Variants in ULK4 observed in about 807,000 individuals in gnomAD.
The protein encoded by ULK4 is inactive serine/threonine-protein kinase ULK4.
Under a neutral mutation model 160.6 loss-of-function variants are expected in ULK4, and 133 were observed. That is an observed-to-expected ratio of 0.83 (90% CI 0.72 to 0.96). The LOEUF (loss-of-function observed/expected upper bound fraction) is 0.96, where lower values mean the gene tolerates loss of function less well. Among genes scored for constraint, ULK4 ranks in the 40% least tolerant of loss-of-function variants. The pLI, the probability that ULK4 is intolerant of heterozygous loss-of-function variation, is 0.00. For synonymous variants in ULK4, 534 were observed against 539.8 expected, an observed-to-expected ratio of 0.99 and a Z score of 0.15; for missense variants, 1,580 against 1,499.5, an observed-to-expected ratio of 1.05 and a Z score of -0.89.
At chr3:41,578,098 T>C (rs948808796) in intron 31 of ULK4, among the ~76,000 whole-genome samples, 3 of 152,196 alleles carry the variant, frequency 2.0e-5, no homozygotes, top group Non-Finnish European at 4.4e-5. Context: ...TTGGATCTAA[T>C]AGAATTTTTC....
chr3:41,701,543 C>T (rs1044036418), intron 27 of ULK4, among the ~76,000 whole-genome samples: 4 of 152,148 alleles, frequency 2.6e-5, no homozygotes, highest in African/African-American at 9.7e-5. Flanking sequence ...AGATAGTTTG[C>T]CACCAGCACA....
At chr3:41,583,562 T>C (rs1438208794) in intron 31 of ULK4, among the ~76,000 whole-genome samples, 2 of 152,310 alleles carry the variant, frequency 1.3e-5, no homozygotes, top group Admixed American at 1.3e-4. Flanking sequence ...GAGATGATGT[T>C]AGGCCAGGAA....
At chr3:41,881,967 G>A (rs1392135366) in intron 17 of ULK4, among the ~76,000 whole-genome samples, 3 of 152,132 alleles carry the variant, frequency 2.0e-5, no homozygotes, top group Non-Finnish European at 4.4e-5. Flanking sequence ...GAACTGCTGG[G>A]CCAAACTCTC....
At chr3:41,856,512 A>ATAT (rs2042339374) in intron 17 of ULK4, among the ~76,000 whole-genome samples, 14 of 99,190 alleles carry the variant, frequency 1.4e-4, no homozygotes, top group African/African-American at 3.9e-4. Flanking sequence ...TAAATAAATA[A>ATAT]ATATATATAT....
intron 5 of ULK4, among the ~76,000 whole-genome samples, chr3:41,922,313 C>G (rs190476465): frequency 6.6e-6 from 1 of 152,192 alleles, no homozygotes; most frequent in African/African-American, 2.4e-5. Flanking sequence ...CACAGCAAAA[C>G]CCAGTTTACA....
chr3:41,330,635 G>A (rs2125739998), intron 35 of ULK4, among the ~76,000 whole-genome samples: 1 of 152,284 alleles, frequency 6.6e-6, no homozygotes, highest in Middle Eastern at 3.4e-3. Flanking sequence ...TTACCCCTAA[G>A]TCATCTAAAA....
At chr3:41,685,412 C>T (rs991462009) in intron 27 of ULK4, among the ~76,000 whole-genome samples, 2 of 152,208 alleles carry the variant, frequency 1.3e-5, no homozygotes, top group African/African-American at 4.8e-5. Flanking sequence ...ACCCATACCA[C>T]TACCTCACTG....
chr3:41,637,596 A>AT (rs1053192614), intron 30 of ULK4, among the ~76,000 whole-genome samples: 2 of 152,146 alleles, frequency 1.3e-5, no homozygotes, highest in African/African-American at 4.8e-5. Flanking sequence ...CTATAGTTTT[A>AT]TTTTTTGAGG....
intron 35 of ULK4, among the ~76,000 whole-genome samples, chr3:41,255,225 TA>T (rs1212527334): frequency 8.6e-5 from 13 of 151,918 alleles, no homozygotes; most frequent in African/African-American, 2.9e-4. Flanking sequence ...CTCATGCCTG[TA>T]ATCCCAGCAC....
chr3:41,914,453 C>G (rs1414971841), intron 8 of ULK4, among the ~76,000 whole-genome samples: 2 of 152,200 alleles, frequency 1.3e-5, no homozygotes, highest in African/African-American at 4.8e-5. Flanking sequence ...AAGGAGCTTT[C>G]TAACATATTG....
chr3:41,900,921 G>A, intron 12 of ULK4, 92 bp from the exon 13 acceptor site: 1 of 832,738 alleles, frequency 1.2e-6, no homozygotes, highest in Non-Finnish European at 2.0e-6. Context: ...AGACACCACT[G>A]TAAAATATCA....
chr3:41,610,141 C>A (rs190143403), intron 31 of ULK4, among the ~76,000 whole-genome samples: 9,277 of 151,478 alleles, frequency 0.061, 951 homozygotes, highest in African/African-American at 0.21. Flanking sequence ...TCAGCCTCCC[C>A]AGTAGTTGGG....
chr3:41,535,063 T>C (rs1159351870), intron 32 of ULK4, among the ~76,000 whole-genome samples: 1 of 152,244 alleles, frequency 6.6e-6, no homozygotes, highest in African/African-American at 2.4e-5. Flanking sequence ...ATTTGGAGCC[T>C]GAATCTTATT....
Position 41,789,843 on chromosome 3 carries a change from C to T in ULK4, c.2011G>A (p.Ala671Thr). Residue 671 changes from alanine (A) to threonine (T), a missense_variant and splice_region_variant, in exon 21 of 37, where the codon GCC (alanine) becomes ACC (threonine). Ala to Thr is a moderately conservative substitution (Grantham distance 58, BLOSUM62 0). Coordinates refer to ENST00000301831, the MANE Select transcript of ULK4 (RefSeq NM_017886.4). ...GAATGGCGAGTGATTCTACACAAGG[C>T]CTACAAAGACAAGAGAACAGACCTG... ...ADSLRITAVS[A>T]LCRITRHSPT... The T allele has an allele frequency of 1.2e-6, 2 of 1,601,482 alleles. No individual in the cohort carries two copies. Among genetic ancestry groups the T allele is most frequent in the Non-Finnish European group, 1.7e-6 (2 of 1,174,428 alleles).
chr3:41,319,378 C>T (rs907776499), intron 35 of ULK4, among the ~76,000 whole-genome samples: 1 of 152,160 alleles, frequency 6.6e-6, no homozygotes, highest in Non-Finnish European at 1.5e-5. Context: ...AGGCTAAAAG[C>T]ACTCTTCATA....
intron 22 of ULK4, among the ~76,000 whole-genome samples, chr3:41,718,251 T>G (rs2037338665): frequency 6.6e-6 from 1 of 152,184 alleles, no homozygotes; most frequent in Admixed American, 6.5e-5. Flanking sequence ...CTTGGGACCC[T>G]AGATAATTCA....
At chr3:41,844,171 C>T (rs2042007094) in intron 17 of ULK4, among the ~76,000 whole-genome samples, 1 of 152,196 alleles carries the variant, frequency 6.6e-6, no homozygotes, top group Non-Finnish European at 1.5e-5. Flanking sequence ...TGTGCCCACA[C>T]TCCTCAGCCC....
intron 20 of ULK4, among the ~76,000 whole-genome samples, chr3:41,796,983 T>G (rs2040318291): frequency 6.6e-6 from 1 of 152,144 alleles, no homozygotes; most frequent in Non-Finnish European, 1.5e-5. Flanking sequence ...ACTCGCCAAA[T>G]CTGGGATGAT....
intron 32 of ULK4, among the ~76,000 whole-genome samples, chr3:41,470,178 A>G (rs532000390): frequency 6.6e-6 from 1 of 152,226 alleles, no homozygotes; most frequent in South Asian, 2.1e-4. Flanking sequence ...AGGACACATA[A>G]TCAAATTATG....
Sources: gnomAD v4.1 joint callset for allele counts (sites outside exome capture counted in the v4.1 genomes callset) on GRCh38, gnomAD v4.1.1 for gene constraint, MANE v1.5 for transcripts, NCBI Gene and HGNC (gene_info 2026-07-23, HGNC 2026-07-21) for gene names.